IFT122: variants seen among roughly 807,000 people sequenced by gnomAD.
The protein encoded by IFT122 is intraflagellar transport 122.
Under a neutral mutation model 161.6 loss-of-function variants are expected in IFT122, and 118 were observed. The observed-to-expected ratio is 0.73, with a 90% CI of 0.63 to 0.85. The LOEUF (loss-of-function observed/expected upper bound fraction) is 0.85, where lower values mean the gene tolerates loss of function less well. Ranked by LOEUF, IFT122 falls within the 40% of genes least tolerant of loss-of-function variation. IFT122 has a pLI of 0.00. For synonymous variants in IFT122, 550 were observed against 602.4 expected (o/e 0.91, Z 1.27); for missense variants, 1,381 against 1,579.6 (o/e 0.87, Z 2.13).
chr3:129,472,564 TTTC>T (rs1394728774), intron 9 of IFT122, among the ~76,000 whole-genome samples: 3 of 152,212 alleles, frequency 2.0e-5, no homozygotes, highest in Non-Finnish European at 2.9e-5. Context: ...TTGTTACATT[TTTC>T]TTCTTGGTGT....
At chr3:129,502,972 G>A (rs901159495) in intron 20 of IFT122, 90 bp downstream of exon 20, 65 of 1,256,728 alleles carry the variant, frequency 5.2e-5, no homozygotes, top group Admixed American at 1.6e-4. Context: ...GGGTTCAGAT[G>A]GAGAGAAGCT....
In IFT122 at chr3:129,463,570, T is replaced by A; in HGVS notation, c.360T>A (p.Ser120=). 2 of 1,613,902 alleles carry A rather than the reference T, an allele frequency of 1.2e-6. No individual in the cohort carries two copies. Among genetic ancestry groups the A allele is most frequent in the South Asian group, 1.1e-5 (1 of 91,084 alleles). ...SCSSSDFGLW[S]PEQKSVSKHK... Reference sequence around the variant, plus strand: ...TATTGTGCATTGAAGGGTTGTGGTCTCCTGAACAGAAGTCTGTCTCCAAAC... The same window carrying A: ...TATTGTGCATTGAAGGGTTGTGGTCACCTGAACAGAAGTCTGTCTCCAAAC... The change falls in exon 6 of 30, where the codon TCT becomes TCA. Residue 120 remains serine (S), a synonymous_variant. Transcript: ENST00000348417.
rs2074544040 is a variant in IFT122 at position 129,449,904 on chromosome 3, T to G, written c.75T>G (p.Thr25=). 1 of 1,613,588 alleles carries G rather than the reference T, an allele frequency of 6.2e-7. No individual in the cohort carries two copies. The highest frequency in any genetic ancestry group is 1.1e-5 in the South Asian group (1 of 91,082). ...INDIAFKPDG[T]QLILAAGSRL... is the part of the protein sequence containing the mutation. The stretch of plus-strand genomic sequence containing the variant: ...ACATCGCATTTAAGCCTGATGGAAC[T>G]CAACTGATTTTGGCTGCCGGAAGCA... Residue 25 remains threonine (T), a synonymous_variant, in exon 2 of 30, where the codon ACT becomes ACG. Coordinates refer to ENST00000348417, the MANE Select transcript of IFT122 (RefSeq NM_052989.3).
chr3:129,458,947 C>G lies in IFT122; in HGVS notation c.272+270C>G, dbSNP rs537066272. ...TGACATTGTAGACTTTATCCCACCCCCAACCTGTCATCTTCCAGTGTCCCT... is the reference window on the plus strand; with the variant it reads ...TGACATTGTAGACTTTATCCCACCCGCAACCTGTCATCTTCCAGTGTCCCT... On this transcript the variant is annotated intron_variant, in intron 4 of 29. Coordinates refer to ENST00000348417, the MANE Select transcript of IFT122 (RefSeq NM_052989.3). 4.6e-5 allele frequency among the ~76,000 whole-genome samples: 7 copies of G among 152,276 alleles called. No homozygotes were observed. The South Asian group carries it at 1.0e-3, about 23-fold the overall frequency.
intron 15 of IFT122, among the ~76,000 whole-genome samples, chr3:129,485,255 G>A (rs2079139673): frequency 6.6e-6 from 1 of 152,150 alleles, no homozygotes; most frequent in Non-Finnish European, 1.5e-5. Context: ...GACTTTTAGG[G>A]AAATTTCCAG....
chr3:129,450,520 C>T (rs932819061), intron 2 of IFT122, among the ~76,000 whole-genome samples: 1 of 152,118 alleles, frequency 6.6e-6, no homozygotes, highest in African/African-American at 2.4e-5. Flanking sequence ...TCTCTAGATA[C>T]GCAGACTGAT....
intron 7 of IFT122, among the ~76,000 whole-genome samples, chr3:129,466,127 T>G (rs2076747975): frequency 6.6e-6 from 1 of 152,172 alleles, no homozygotes; most frequent in Admixed American, 6.5e-5. Flanking sequence ...TCTTTATATA[T>G]CCTATAATAT....
rs202175991 is a variant in IFT122, at chr3:129,492,161, C to A, written c.2013C>A (p.Asp671Glu). The change falls in exon 17 of 30, where the codon GAC becomes GAA. Residue 671 changes from aspartate (D) to glutamate (E), a missense_variant. Transcript: ENST00000348417. ...TAKKAFIRVQ[D>E]LRYLELISSI... ...CACAGGCCTTCATCAGAGTACAAGA[C>A]CTCCGATATTTAGAGCTCATCAGCA... is the stretch of plus-strand genomic sequence containing the variant. 8.7e-6 allele frequency: 14 copies of A among 1,612,880 alleles called. No homozygotes were observed. The highest frequency in any genetic ancestry group is 1.2e-5 in the Non-Finnish European group (14 of 1,178,988).
Position 129,464,662 on chromosome 3 carries a change from G to C in IFT122, c.444G>C (p.Ala148=). 6.2e-7 allele frequency: 1 copy of C among 1,614,140 alleles called. No individual in the cohort carries two copies. The highest frequency in any genetic ancestry group is 8.5e-7 in the Non-Finnish European group (1 of 1,180,046). ...GGACAAATGATGGTCAGTACCTGGC[G>C]CTGGGGATGTTCAATGGGATCATCA... ...CSWTNDGQYL[A]LGMFNGIISI... is the part of the protein sequence containing the mutation. The change falls in exon 7 of 30, where the codon GCG becomes GCC. Residue 148 remains alanine (A), a synonymous_variant. Coordinates refer to ENST00000348417, the MANE Select transcript of IFT122 (RefSeq NM_052989.3).
Position 129,517,603 on chromosome 3 carries a change from G to T in IFT122, c.3391+9G>T. ...AGAGATTGCAAACAACAGTATCCAT[G>T]CCCTTGGCCAGAGCCTGTGTGTGCG... On this transcript the variant is annotated intron_variant, in intron 27 of 29. Transcript: ENST00000348417. The T allele has an allele frequency of 6.2e-7, 1 of 1,612,342 alleles. No individual in the cohort carries two copies. The highest frequency in any genetic ancestry group is 8.5e-7 in the Non-Finnish European group (1 of 1,178,882).
At chr3:129,483,396 G>C in intron 14 of IFT122, 89 bp from the exon 15 acceptor site, 1 of 1,094,936 alleles carries the variant, frequency 9.1e-7, no homozygotes. Context: ...GTGGGATTCA[G>C]TCTTTAAGAG....
intron 16 of IFT122, among the ~76,000 whole-genome samples, chr3:129,489,149 A>G (rs967237705): frequency 6.6e-6 from 1 of 151,968 alleles, no homozygotes; most frequent in South Asian, 2.1e-4. Context: ...TTTTGTCCAT[A>G]TTCCCGGGCT....
chr3:129,490,719 G>A (rs767210734), intron 16 of IFT122, among the ~76,000 whole-genome samples: 1 of 152,174 alleles, frequency 6.6e-6, no homozygotes, highest in South Asian at 2.1e-4. Context: ...CCACTGTGCT[G>A]GGCTTTGCAG....
In IFT122 at chr3:129,495,564, C is replaced by T. The variant is rs143662777; in HGVS notation, c.2165C>T (p.Ala722Val). Residue 722 changes from alanine to valine, a missense_variant, in exon 18 of 30, where the codon GCG (alanine) becomes GTG (valine). Ala to Val is a moderately conservative substitution (Grantham distance 64). Transcript: ENST00000348417. The stretch of plus-strand genomic sequence containing the variant: ...AAGAGGAGTGGGCACGAGAACCTCG[C>T]GCTTGAAATGTACACCGACCTCTGC... ...LYKRSGHENL[A>V]LEMYTDLCMF... 2.3e-5 allele frequency: 37 copies of T among 1,614,064 alleles called. No individual in the cohort carries two copies. Among genetic ancestry groups the T allele is most frequent in the Non-Finnish European group, 2.7e-5 (32 of 1,180,046 alleles).
chr3:129,494,366 C>T (rs757371697), intron 17 of IFT122, among the ~76,000 whole-genome samples: 3 of 152,012 alleles, frequency 2.0e-5, no homozygotes, highest in African/African-American at 7.3e-5. Context: ...TTTTATCTCA[C>T]GGCAAGATTT....
In IFT122 at chr3:129,514,614, C is replaced by G. The variant is rs1043856956; in HGVS notation, c.3153+60C>G. On this transcript the variant is annotated intron_variant, in intron 25 of 29. Coordinates refer to ENST00000348417, the MANE Select transcript of IFT122 (RefSeq NM_052989.3). ...CCTCTCCCTTGAGGCCATCTCATGC[C>G]TTCTTGCCTGGCCTGGGTTCCGTTT... The G allele has an allele frequency of 9.4e-6, 15 of 1,588,766 alleles. No homozygotes were observed. In the Admixed American group the frequency reaches 2.5e-4, roughly 26 times the overall value.
chr3:129,518,599 T>C (rs2084314187), intron 27 of IFT122, among the ~76,000 whole-genome samples: 1 of 152,230 alleles, frequency 6.6e-6, no homozygotes, highest in Middle Eastern at 3.4e-3. Context: ...CTGTGCCCAC[T>C]CCAACTTGGT....
At chr3:129,479,382 G>A (rs1047223899) in intron 12 of IFT122, among the ~76,000 whole-genome samples, 3 of 152,162 alleles carry the variant, frequency 2.0e-5, no homozygotes, top group African/African-American at 7.2e-5. Context: ...GCAGCAGTGA[G>A]CTATGATAGC....
At chr3:129,497,738 C>G (rs1247278209) in intron 18 of IFT122, among the ~76,000 whole-genome samples, 1 of 152,192 alleles carries the variant, frequency 6.6e-6, no homozygotes, top group African/African-American at 2.4e-5. Context: ...TTCAATCCCC[C>G]CTGCCCCCAC....
Sources: gnomAD v4.1 joint callset for allele counts (sites outside exome capture counted in the v4.1 genomes callset) on GRCh38, gnomAD v4.1.1 for gene constraint, MANE v1.5 for transcripts, NCBI Gene and HGNC (gene_info 2026-07-23, HGNC 2026-07-21) for gene names.